Variants in FNBP4 observed in about 807,000 individuals in gnomAD.
FNBP4 encodes formin-binding protein 4.
A neutral mutation model predicts 119.3 loss-of-function variants in FNBP4; 34 were observed. That is an observed-to-expected ratio of 0.28 (90% confidence interval 0.22 to 0.38). FNBP4 has a LOEUF of 0.38. FNBP4 is among the 10% of genes least tolerant of loss of function. The pLI, the probability that FNBP4 is intolerant of heterozygous loss-of-function variation, is 1.00. For synonymous variants in FNBP4, 462 were observed against 430.6 expected (o/e 1.07, Z -0.90); for missense variants, 1,112 against 1,228.9 (o/e 0.90, Z 1.42).
chr11:47,736,824 C>T, intron 8 of FNBP4, 84 bp from the exon 9 acceptor site: 1 of 1,204,776 alleles, frequency 8.3e-7, no homozygotes, highest in Non-Finnish European at 1.2e-6. Context: ...CAGATATCTG[C>T]AAAAGATTAT....
intron 16 of FNBP4, among the ~76,000 whole-genome samples, chr11:47,719,572 G>A (rs2097553239): frequency 1.1e-5 from 1 of 88,092 alleles, no homozygotes; most frequent in Admixed American, 1.6e-4. Context: ...TATGTTATGT[G>A]TGTATGTGTG....
chr11:47,766,706 T>A (rs915871270), intron 1 of FNBP4, among the ~76,000 whole-genome samples: 1 of 152,272 alleles, frequency 6.6e-6, no homozygotes, highest in Non-Finnish European at 1.5e-5. Context: ...TGGAAAGGCC[T>A]GGCCCACAGT....
intron 12 of FNBP4, chr11:47,729,366 C>T (rs1376662851): frequency 2.0e-6 from 2 of 985,308 alleles, no homozygotes; most frequent in Admixed American, 1.2e-4. Context: ...TTGAACCCAA[C>T]TCATCTTTAG....
intron 2 of FNBP4, among the ~76,000 whole-genome samples, chr11:47,760,914 CAA>C (rs2097632878): frequency 6.6e-6 from 1 of 152,144 alleles, no homozygotes; most frequent in Admixed American, 6.6e-5. Context: ...CTACAAAACT[CAA>C]GTTTATTTTA....
At chr11:47,721,483 G>A (rs1000295641) in intron 15 of FNBP4, among the ~76,000 whole-genome samples, 2 of 151,568 alleles carry the variant, frequency 1.3e-5, no homozygotes, top group African/African-American at 4.8e-5. Context: ...CATGCCTGTC[G>A]CCCCAGCTAC....
At chr11:47,723,822 C>T (rs7102205) in intron 14 of FNBP4, among the ~76,000 whole-genome samples, 52,570 of 151,840 alleles carry the variant, frequency 0.35, 10,539 homozygotes, top group South Asian at 0.52. Flanking sequence ...CTCAGCCTCC[C>T]GAAGTGCTGG....
chr11:47,736,937 G>A (rs1237062040), intron 8 of FNBP4, among the ~76,000 whole-genome samples, 197 bp from the exon 9 acceptor site: 1 of 152,180 alleles, frequency 6.6e-6, no homozygotes, highest in Non-Finnish European at 1.5e-5. Context: ...CGGGCACAGT[G>A]GCTCATGCCT....
rs2097568295 is a variant in FNBP4 at position 47,732,274 on chromosome 11, C to T, written c.1820+263G>A. 7 of 1,293,510 alleles carry T rather than the reference C, an allele frequency of 5.4e-6. No homozygotes were observed. The highest frequency in any genetic ancestry group is 1.5e-5 in the African/African-American group (1 of 66,840). The allele number at this position is 1,293,510 out of a possible 1,614,324, so 80.1% of individuals were successfully genotyped here. On this transcript the variant is annotated intron_variant, in intron 11 of 16. Coordinates refer to ENST00000263773, the MANE Select transcript of FNBP4 (RefSeq NM_015308.5). The surrounding 1 kb of genome is among the most constrained non-coding windows in gnomAD (Gnocchi z 4.2). ...CTTAACCCCCAAGCCCGCCCTACTC[C>T]GTGCAACACTCTGGAGAGTAAAAAC... is the stretch of plus-strand genomic sequence containing the variant.
At position 47,755,308 on chromosome 11, in the gene FNBP4, G is replaced by A. The variant is rs1465854472; in HGVS notation, c.314-644C>T. On this transcript the variant is annotated intron_variant, in intron 2 of 16. Coordinates refer to ENST00000263773, the MANE Select transcript of FNBP4 (RefSeq NM_015308.5). ...CTACTAAAAATACAAAATTATCCAGGTGTGGTGGCACATGCCTGTAATCCC... is the reference window on the plus strand; with the variant it reads ...CTACTAAAAATACAAAATTATCCAGATGTGGTGGCACATGCCTGTAATCCC... Among the ~76,000 whole-genome samples, 3 of 151,532 alleles carry A rather than the reference G, an allele frequency of 2.0e-5. No individual in the cohort carries two copies. In the Admixed American group the frequency reaches 2.0e-4, roughly 10 times the overall value.
At position 47,765,375 on chromosome 11, in the gene FNBP4, A is replaced by C; in HGVS notation, c.221-13T>G. 2.3e-6 allele frequency: 2 copies of C among 863,234 alleles called. No individual in the cohort carries two copies. Among genetic ancestry groups the C allele is most frequent in the Non-Finnish European group, 3.3e-6 (2 of 606,738 alleles). The allele number at this position is 863,234 out of a possible 1,614,324, so 53.5% of individuals were successfully genotyped here. The stretch of plus-strand genomic sequence containing the variant: ...GCTTCCTGTTCATCTGGATTAAAAA[A>C]AAAGAAAAGAAAAGAAAAGAAAAGA... On this transcript the variant is annotated splice_polypyrimidine_tract_variant and intron_variant, in intron 1 of 16. Transcript: ENST00000263773.
intron 2 of FNBP4, among the ~76,000 whole-genome samples, chr11:47,762,570 C>T (rs1599268498): frequency 6.6e-6 from 1 of 151,926 alleles, no homozygotes; most frequent in African/African-American, 2.4e-5. Flanking sequence ...GTAGCTAGGC[C>T]CACAGGTGCT....
At chr11:47,718,524 TTTGAGTTTC>T (rs1437688359) in intron 16 of FNBP4, among the ~76,000 whole-genome samples, 1 of 152,208 alleles carries the variant, frequency 6.6e-6, no homozygotes, top group East Asian at 1.9e-4. Context: ...ATCTAATGTT[TTTGAGTTTC>T]TCTTTCAAGT....
chr11:47,750,587 GC>G (rs1599233864), intron 6 of FNBP4, among the ~76,000 whole-genome samples: 1 of 148,610 alleles, frequency 6.7e-6, no homozygotes, highest in African/African-American at 2.5e-5. Flanking sequence ...GACTCAGGAG[GC>G]TGAGGCAGGA....
intron 14 of FNBP4, 150 bp downstream of exon 14, chr11:47,723,878 A>G (rs1316947524): frequency 8.9e-6 from 6 of 674,494 alleles, no homozygotes; most frequent in East Asian, 3.1e-5. Context: ...AACTGTCAAA[A>G]GTTTTTTTTT....
intron 3 of FNBP4, among the ~76,000 whole-genome samples, chr11:47,753,493 C>T (rs1343580439): frequency 2.0e-5 from 3 of 152,064 alleles, no homozygotes; most frequent in African/African-American, 7.2e-5. Flanking sequence ...CACCTGTAAT[C>T]TCAGCTACTT....
Position 47,767,154 on chromosome 11 carries a change from G to A in FNBP4, c.135C>T (p.Val45=), listed in dbSNP as rs770650464. 1 of 1,546,904 alleles carries A rather than the reference G, an allele frequency of 6.5e-7. No homozygotes were observed. Among genetic ancestry groups the A allele is most frequent in the Non-Finnish European group, 8.7e-7 (1 of 1,151,434 alleles). Residue 45 remains valine, a synonymous_variant, in exon 1 of 17, where the codon GTC becomes GTT. Transcript: ENST00000263773. ...CCGCCGACGGGGCGGGCTGGCTGGG[G>A]ACCGCCGCGGTTGAGTCCGGCTCAG... ...PDTEPDSTAA[V]PSQPAPSAAT... is the part of the protein sequence containing the mutation.
chr11:47,737,433 A>G (rs79561391), intron 8 of FNBP4, among the ~76,000 whole-genome samples: 2,988 of 152,192 alleles, frequency 0.02, 32 homozygotes, highest in Non-Finnish European at 0.029. Flanking sequence ...CAAAAGAGCA[A>G]CATTATTAGC....
Position 47,719,568 on chromosome 11 carries a change from A to ATG in FNBP4, c.2963+359_2963+360dup, listed in dbSNP as rs1203883663. 4.0e-3 allele frequency among the ~76,000 whole-genome samples: 423 copies of ATG among 104,916 alleles called. 3 individuals are homozygous for ATG. Among genetic ancestry groups the ATG allele is most frequent in the African/African-American group, 0.014 (401 of 28,206 alleles). The allele number at this position is 104,916 out of a possible 152,430, so 68.8% of individuals were successfully genotyped here. ...TATTTGTAAAATAAGTTAATATGTTATGTGTGTATGTGTGTGTGTGTGTGT... is the reference window on the plus strand; with the variant it reads ...TATTTGTAAAATAAGTTAATATGTTATGTGTGTGTATGTGTGTGTGTGTGTGT... On this transcript the variant is annotated intron_variant, in intron 16 of 16. Transcript: ENST00000263773.
intron 2 of FNBP4, among the ~76,000 whole-genome samples, chr11:47,758,870 G>A (rs899175348): frequency 9.9e-5 from 15 of 151,866 alleles, no homozygotes; most frequent in African/African-American, 3.6e-4. Context: ...AAAAAGCGGG[G>A]GGGAAAAGAG....
Sources: gnomAD v4.1 joint callset for allele counts (sites outside exome capture counted in the v4.1 genomes callset) on GRCh38, gnomAD v4.1.1 for gene constraint, Gnocchi (gnomAD v3.1) non-coding constraint, MANE v1.5 for transcripts, NCBI Gene and HGNC (gene_info 2026-07-23, HGNC 2026-07-21) for gene names.